ACER2: variants seen among roughly 807,000 people sequenced by gnomAD.
ACER2 encodes alkCDase 2.
In ACER2, 26 loss-of-function variants were observed where a neutral mutation model predicts 34.7. That is an observed-to-expected ratio of 0.75 (90% CI 0.55 to 1.04). The LOEUF (loss-of-function observed/expected upper bound fraction) is 1.04, where lower values mean the gene tolerates loss of function less well. Ranked by LOEUF, ACER2 falls within the 50% of genes least tolerant of loss-of-function variation. The probability of loss-of-function intolerance (pLI) is 0.00; values close to 1 mark genes in which losing one functional copy is unlikely to be tolerated. For missense variants in ACER2, 352 were observed against 340.8 expected, an observed-to-expected ratio of 1.03 and a Z score of -0.26; for synonymous variants, 138 against 132.1, an observed-to-expected ratio of 1.04 and a Z score of -0.31.
Position 19,452,343 on chromosome 9 carries a change from G to C in ACER2, c.*1707G>C, listed in dbSNP as rs961522694. Reference sequence around the variant, plus strand: ...AGATCCAAGGTGAAAACCCCAATAAGCAACTGAATTTAGAGTTTAAAAATG... The same window carrying C: ...AGATCCAAGGTGAAAACCCCAATAACCAACTGAATTTAGAGTTTAAAAATG... On this transcript the variant is annotated 3_prime_UTR_variant, in exon 6 of 6. Coordinates refer to ENST00000340967, the MANE Select transcript of ACER2 (RefSeq NM_001010887.3). Among the ~76,000 whole-genome samples the C allele has an allele frequency of 6.6e-6, 1 of 152,120 alleles. No homozygotes were observed. The highest frequency in any genetic ancestry group is 1.5e-5 in the Non-Finnish European group (1 of 68,024).
At chr9:19,416,782 C>G (rs1010342327) in intron 1 of ACER2, among the ~76,000 whole-genome samples, 12 of 152,220 alleles carry the variant, frequency 7.9e-5, no homozygotes, top group African/African-American at 2.9e-4. Context: ...ATCCACCTGC[C>G]TCAGCCTCCC....
intron 5 of ACER2, among the ~76,000 whole-genome samples, chr9:19,447,119 C>T (rs1831399621): frequency 6.6e-6 from 1 of 152,116 alleles, no homozygotes; most frequent in African/African-American, 2.4e-5. Context: ...GGAACTGCTT[C>T]AGCCTCAAAC....
At chr9:19,435,371 G>A (rs1435302364) in intron 4 of ACER2, among the ~76,000 whole-genome samples, 1 of 152,152 alleles carries the variant, frequency 6.6e-6, no homozygotes, top group African/African-American at 2.4e-5. Flanking sequence ...ACTTAATTCT[G>A]TAGAAAAGAA....
At chr9:19,444,386 G>A (rs1174296480) in intron 4 of ACER2, among the ~76,000 whole-genome samples, 2 of 151,758 alleles carry the variant, frequency 1.3e-5, no homozygotes, top group Non-Finnish European at 2.9e-5. Flanking sequence ...TAATTTTTTT[G>A]TATTTTTAGT....
chr9:19,421,704 A>G (rs1830412386), intron 1 of ACER2, among the ~76,000 whole-genome samples: 1 of 152,156 alleles, frequency 6.6e-6, no homozygotes, highest in East Asian at 1.9e-4. Context: ...AAATGTACTA[A>G]ATGCCACTGA....
At chr9:19,437,584 CGTT>C (rs1292889277) in intron 4 of ACER2, among the ~76,000 whole-genome samples, 3 of 152,162 alleles carry the variant, frequency 2.0e-5, no homozygotes, top group African/African-American at 7.2e-5. Flanking sequence ...AGTGGCGCCT[CGTT>C]GTCTAAGCTT....
At chr9:19,413,818 C>G (rs1379135355) in intron 1 of ACER2, among the ~76,000 whole-genome samples, 2 of 152,152 alleles carry the variant, frequency 1.3e-5, no homozygotes, top group East Asian at 1.9e-4. Context: ...ACTTCCTGCT[C>G]TGTCCCCAGT....
At chr9:19,411,624 A>C (rs1830090663) in intron 1 of ACER2, among the ~76,000 whole-genome samples, 1 of 152,228 alleles carries the variant, frequency 6.6e-6, no homozygotes, top group East Asian at 1.9e-4. Context: ...GTTGAGAAAG[A>C]CAGTAGACTG....
At chr9:19,435,180 T>C (rs1286494762) in intron 4 of ACER2, 96 bp downstream of exon 4, 6 of 1,441,068 alleles carry the variant, frequency 4.2e-6, no homozygotes, top group Non-Finnish European at 5.6e-6. Flanking sequence ...AAGAGGAGTT[T>C]TATTCCTTGT....
chr9:19,415,595 A>G (rs985044037), intron 1 of ACER2, among the ~76,000 whole-genome samples: 1 of 152,210 alleles, frequency 6.6e-6, no homozygotes, highest in African/African-American at 2.4e-5. Context: ...GTGATAAATG[A>G]CTTCATGCCT....
At chr9:19,420,045 A>G (rs1392791251) in intron 1 of ACER2, among the ~76,000 whole-genome samples, 1 of 152,140 alleles carries the variant, frequency 6.6e-6, no homozygotes, top group Non-Finnish European at 1.5e-5. Context: ...GCCAGTCCTC[A>G]CTTGCCCTAT....
chr9:19,446,523 G>A (rs1831370167), intron 5 of ACER2, 105 bp downstream of exon 5: 1 of 1,566,354 alleles, frequency 6.4e-7, no homozygotes, highest in South Asian at 1.2e-5. Context: ...GTGGGTTGCT[G>A]GCTTGCTTCT....
At position 19,423,847 on chromosome 9, in the gene ACER2, A is replaced by C; in HGVS notation, c.109-15A>C. ...CTTAATACTCATCTTTCTGTTTTAC[A>C]TTTTTTTCCTGCAGATCAGCAATGT... On this transcript the variant is annotated splice_polypyrimidine_tract_variant and intron_variant, in intron 1 of 5. Coordinates refer to ENST00000340967, the MANE Select transcript of ACER2 (RefSeq NM_001010887.3). 6.2e-7 allele frequency: 1 copy of C among 1,600,944 alleles called. No individual in the cohort carries two copies. The highest frequency in any genetic ancestry group is 8.6e-7 in the Non-Finnish European group (1 of 1,168,476).
Position 19,409,012 on chromosome 9 carries a change from G to T in ACER2, c.-73G>T. ...GCCGCTTTCGCCGCTGGCTGTCGCC[G>T]CGTTTTGCCTCCGCAGCAGCTCTGG... On this transcript the variant is annotated 5_prime_UTR_variant, in exon 1 of 6. Coordinates refer to ENST00000340967, the MANE Select transcript of ACER2 (RefSeq NM_001010887.3). 7.5e-7 allele frequency: 1 copy of T among 1,333,492 alleles called. No individual in the cohort carries two copies. The highest frequency in any genetic ancestry group is 2.8e-5 in the East Asian group (1 of 36,048). 82.6% of individuals were successfully genotyped at this position (1,333,492 alleles called of 1,614,324 possible). A position where few individuals can be genotyped will look rare whatever the true frequency, so the allele number is the denominator to read the frequency against.
intron 1 of ACER2, among the ~76,000 whole-genome samples, chr9:19,419,918 C>T (rs1830351155): frequency 6.6e-6 from 1 of 152,164 alleles, no homozygotes; most frequent in Admixed American, 6.5e-5. Context: ...GGATCTTTTT[C>T]TCCTCCTTTG....
chr9:19,427,017 A>G (rs1830592218), intron 3 of ACER2, among the ~76,000 whole-genome samples: 1 of 152,214 alleles, frequency 6.6e-6, no homozygotes, highest in Non-Finnish European at 1.5e-5. Context: ...CCTCCTTTGG[A>G]GGCACTGGGT....
At chr9:19,442,410 AG>A (rs1457944382) in intron 4 of ACER2, among the ~76,000 whole-genome samples, 2 of 152,226 alleles carry the variant, frequency 1.3e-5, no homozygotes, top group Non-Finnish European at 2.9e-5. Flanking sequence ...GCTTTGGACA[AG>A]CCCCGAGTGC....
At chr9:19,439,445 T>C (rs1421466010) in intron 4 of ACER2, among the ~76,000 whole-genome samples, 2 of 151,354 alleles carry the variant, frequency 1.3e-5, no homozygotes, top group African/African-American at 4.9e-5. Flanking sequence ...GTTCAAGCAA[T>C]TCTCCTGCTT....
In ACER2 at chr9:19,451,056, T is replaced by C. The variant is rs982550574; in HGVS notation, c.*420T>C. The C allele has an allele frequency of 6.5e-6, 1 of 154,526 alleles. No homozygotes were observed. Among genetic ancestry groups the C allele is most frequent in the African/African-American group, 2.4e-5 (1 of 41,480 alleles). 9.6% of individuals were successfully genotyped at this position (154,526 alleles called of 1,614,324 possible). A position where few individuals can be genotyped will look rare whatever the true frequency, so the allele number is the denominator to read the frequency against. ...CTATTCCTTTCCCAAAGATGGAAAATGGAGGGCTTAGGGACACTAGATGCA... is the reference window on the plus strand; with the variant it reads ...CTATTCCTTTCCCAAAGATGGAAAACGGAGGGCTTAGGGACACTAGATGCA... On this transcript the variant is annotated 3_prime_UTR_variant, in exon 6 of 6. Transcript: ENST00000340967.
Sources: allele counts gnomAD v4.1 joint callset (sites outside exome capture counted in the v4.1 genomes callset), GRCh38; gene constraint gnomAD v4.1.1; transcripts MANE v1.5; gene names NCBI Gene and HGNC (gene_info 2026-07-23, HGNC 2026-07-21).